DGKI: variants seen among roughly 807,000 people sequenced by gnomAD.
DGKI encodes the protein DAG kinase iota.
Under a neutral mutation model 147.5 loss-of-function variants are expected in DGKI, and 55 were observed. That is an observed-to-expected ratio of 0.37 (90% CI 0.30 to 0.47). The LOEUF (loss-of-function observed/expected upper bound fraction) is 0.47. DGKI is among the 20% of genes least tolerant of loss of function. The probability of loss-of-function intolerance (pLI) is 1.00; values close to 1 mark genes in which losing one functional copy is unlikely to be tolerated. For synonymous variants in DGKI, 469 were observed against 477.1 expected, an observed-to-expected ratio of 0.98 and a Z score of 0.22; for missense variants, 1,007 against 1,323.8, an observed-to-expected ratio of 0.76 and a Z score of 3.71.
intron 23 of DGKI, among the ~76,000 whole-genome samples, chr7:137,476,774 G>C (rs1376288104): frequency 1.3e-5 from 2 of 152,128 alleles, no homozygotes; most frequent in Non-Finnish European, 2.9e-5. Context: ...CCACAATAAA[G>C]AACTGCAGTG....
rs188860333 is a variant in DGKI, at chr7:137,421,254, T to C, written c.2762-9047A>G. ...TCAGTGGCATCAAAAGGCCATTAGA[T>C]ACTACGGTGGCTTTATATTCAAACA... On this transcript the variant is annotated intron_variant, in intron 28 of 32. Transcript: ENST00000614521. 2.4e-4 allele frequency among the ~76,000 whole-genome samples: 37 copies of C among 152,330 alleles called. No individual in the cohort carries two copies. In the East Asian group the frequency reaches 6.8e-3, roughly 28 times the overall value.
chr7:137,684,033 C>G (rs938983941), intron 2 of DGKI, among the ~76,000 whole-genome samples: 1 of 152,174 alleles, frequency 6.6e-6, no homozygotes, highest in African/African-American at 2.4e-5. Flanking sequence ...AATGAAGACG[C>G]TTGCTTATAA....
Position 137,630,462 on chromosome 7 carries a change from A to G in DGKI, c.805-6908T>C, listed in dbSNP as rs1369363279. On this transcript the variant is annotated intron_variant, in intron 6 of 32. Transcript: ENST00000614521. The stretch of plus-strand genomic sequence containing the variant: ...TTCAGTCTTCTGGGGAAAAACATCA[A>G]AAATTTAAGGCACAAGATTCTCAGT... 2.6e-5 allele frequency among the ~76,000 whole-genome samples: 4 copies of G among 152,190 alleles called. No homozygotes were observed. In the East Asian group the frequency reaches 7.7e-4, roughly 29 times the overall value.
intron 1 of DGKI, among the ~76,000 whole-genome samples, chr7:137,693,626 T>C (rs986887531): frequency 6.6e-6 from 1 of 152,228 alleles, no homozygotes; most frequent in Non-Finnish European, 1.5e-5. Context: ...CTACTAATCT[T>C]AATTACATTC....
chr7:137,844,370 T>C (rs543465152), intron 1 of DGKI, among the ~76,000 whole-genome samples: 2 of 152,258 alleles, frequency 1.3e-5, no homozygotes, highest in African/African-American at 4.8e-5. Flanking sequence ...GATCAATTGT[T>C]TAGTCTTGGG....
intron 30 of DGKI, among the ~76,000 whole-genome samples, chr7:137,397,804 T>C (rs1402952202): frequency 1.3e-5 from 2 of 152,202 alleles, no homozygotes; most frequent in African/African-American, 2.4e-5. Flanking sequence ...TGGCGTCTTA[T>C]GAAGCAAAAT....
chr7:137,638,789 G>A (rs924990353), intron 6 of DGKI, among the ~76,000 whole-genome samples: 3 of 149,968 alleles, frequency 2.0e-5, no homozygotes, highest in Non-Finnish European at 3.0e-5. Flanking sequence ...TATTTATTAT[G>A]TTGTATGTAT....
At chr7:137,620,051 A>ACACT (rs1820690611) in intron 7 of DGKI, 111 bp from the exon 8 acceptor site, 4 of 729,530 alleles carry the variant, frequency 5.5e-6, no homozygotes, top group East Asian at 2.6e-5. Flanking sequence ...ACACACACAC[A>ACACT]CACTCATTAC....
At chr7:137,702,373 G>T (rs1824013434) in intron 1 of DGKI, among the ~76,000 whole-genome samples, 1 of 152,062 alleles carries the variant, frequency 6.6e-6, no homozygotes, top group Non-Finnish European at 1.5e-5. Flanking sequence ...TACTTACTCA[G>T]CACCTCCTTC....
intron 1 of DGKI, among the ~76,000 whole-genome samples, chr7:137,737,440 C>T (rs1433161398): frequency 6.6e-6 from 1 of 151,696 alleles, no homozygotes; most frequent in East Asian, 1.9e-4. Flanking sequence ...AAGTAACTAA[C>T]ATCTTACTGT....
chr7:137,706,028 A>G (rs1255572335), intron 1 of DGKI, among the ~76,000 whole-genome samples: 3 of 152,190 alleles, frequency 2.0e-5, no homozygotes, highest in African/African-American at 7.2e-5. Flanking sequence ...CTAGTCTATT[A>G]AAACTCAGGT....
At chr7:137,610,092 T>A (rs1402265804) in intron 8 of DGKI, among the ~76,000 whole-genome samples, 1 of 152,074 alleles carries the variant, frequency 6.6e-6, no homozygotes, top group Non-Finnish European at 1.5e-5. Flanking sequence ...TTGGTAATGA[T>A]CTTTTCTAGT....
rs371046867 is a variant in DGKI at position 137,472,584 on chromosome 7, T to C, written c.2374-2965A>G. On this transcript the variant is annotated intron_variant, in intron 23 of 32. Coordinates refer to ENST00000614521, the MANE Select transcript of DGKI (RefSeq NM_001321708.2). ...GACATGTGCTTAGTAACTATTTATA[T>C]GAGAATTATGTGTAACATTTTGAGA... Among the ~76,000 whole-genome samples the C allele has an allele frequency of 1.3e-4, 19 of 150,656 alleles. No individual in the cohort carries two copies. The South Asian group carries it at 3.7e-3, about 30-fold the overall frequency.
intron 27 of DGKI, among the ~76,000 whole-genome samples, chr7:137,449,570 G>A (rs559057376): frequency 2.0e-5 from 3 of 152,238 alleles, no homozygotes; most frequent in African/African-American, 4.8e-5. Context: ...ACATCGGTCT[G>A]GGCAATGATT....
At chr7:137,623,606 G>A (rs756903230) in intron 6 of DGKI, 52 bp from the exon 7 acceptor site, 111 of 1,513,152 alleles carry the variant, frequency 7.3e-5, no homozygotes, top group Middle Eastern at 1.7e-4. Context: ...CAGTTACAGC[G>A]CACATTTGCC....
rs553799703 is a variant in DGKI at position 137,522,606 on chromosome 7, C to T, written c.2148-640G>A. Among the ~76,000 whole-genome samples the T allele has an allele frequency of 3.0e-3, 453 of 152,084 alleles. 3 individuals are homozygous for T. Among genetic ancestry groups the T allele is most frequent in the South Asian group, 0.022 (106 of 4,812 alleles). ...CTTTCTTTAGGAAGAGAATGAAGTG[C>T]GTAACTCATTTTGAAAGAATTCAAT... On this transcript the variant is annotated intron_variant, in intron 20 of 32. Coordinates refer to ENST00000614521, the MANE Select transcript of DGKI (RefSeq NM_001321708.2).
Position 137,719,843 on chromosome 7 carries a change from A to G in DGKI, c.402-29841T>C, listed in dbSNP as rs538004448. On this transcript the variant is annotated intron_variant, in intron 1 of 32. Coordinates refer to ENST00000614521, the MANE Select transcript of DGKI (RefSeq NM_001321708.2). ...CCACTGCAACTATAAACTAATTCCA[A>G]TTCTAAATTCACCTAAAATCCAAGG... 2.0e-5 allele frequency among the ~76,000 whole-genome samples: 3 copies of G among 152,210 alleles called. No homozygotes were observed. In the South Asian group the frequency reaches 6.2e-4, roughly 32 times the overall value.
chr7:137,723,365 A>C (rs936807332), intron 1 of DGKI, among the ~76,000 whole-genome samples: 8 of 152,346 alleles, frequency 5.3e-5, no homozygotes, highest in Middle Eastern at 3.4e-3. Context: ...CACTTGTGAG[A>C]ACTGGGCAGA....
rs938430573 is a variant in DGKI, at chr7:137,569,619, C to T, written c.1947+1556G>A. Reference sequence around the variant, plus strand: ...TGGTGGGCGCCTGTAGTCCCAGCTACTCGGGAGGCTGAGGCAGGAGAATGG... The same window carrying T: ...TGGTGGGCGCCTGTAGTCCCAGCTATTCGGGAGGCTGAGGCAGGAGAATGG... On this transcript the variant is annotated intron_variant, in intron 19 of 32. Transcript: ENST00000614521. Among the ~76,000 whole-genome samples the T allele has an allele frequency of 2.7e-5, 4 of 150,852 alleles. No individual in the cohort carries two copies. In the East Asian group the frequency reaches 5.9e-4, roughly 22 times the overall value.
Sources: gnomAD v4.1 joint callset for allele counts (sites outside exome capture counted in the v4.1 genomes callset) on GRCh38, gnomAD v4.1.1 for gene constraint, MANE v1.5 for transcripts, NCBI Gene and HGNC (gene_info 2026-07-23, HGNC 2026-07-21) for gene names.